Variants in FNIP2 observed in about 807,000 individuals in gnomAD.
FNIP2 encodes folliculin-interacting protein 2.
A neutral mutation model predicts 108.7 loss-of-function variants in FNIP2; 32 were observed. The ratio of observed to expected loss-of-function variants is 0.29; its 90% confidence interval spans 0.22 to 0.40. The LOEUF (loss-of-function observed/expected upper bound fraction) is 0.40, where lower values mean the gene tolerates loss of function less well. Ranked by LOEUF, FNIP2 falls within the 10% of genes least tolerant of loss-of-function variation. FNIP2 has a pLI of 1.00. For synonymous variants in FNIP2, 480 were observed against 496.7 expected (o/e 0.97, Z 0.45); for missense variants, 1,202 against 1,381.6 (o/e 0.87, Z 2.06).
chr4:158,842,980 T>C (rs1779209248), intron 7 of FNIP2, among the ~76,000 whole-genome samples: 1 of 152,224 alleles, frequency 6.6e-6, no homozygotes, highest in South Asian at 2.1e-4. Flanking sequence ...ATTACAGCTA[T>C]ACTCATTTAC....
chr4:158,852,657 A>C (rs1779766201), intron 8 of FNIP2, among the ~76,000 whole-genome samples: 1 of 152,218 alleles, frequency 6.6e-6, no homozygotes, highest in Admixed American at 6.5e-5. Context: ...GATATGGGCA[A>C]TAAAATGTGG....
At chr4:158,816,889 A>T (rs1170419947) in intron 1 of FNIP2, among the ~76,000 whole-genome samples, 2 of 152,022 alleles carry the variant, frequency 1.3e-5, no homozygotes, top group Non-Finnish European at 2.9e-5. Flanking sequence ...TTTTAAGTAC[A>T]AGTAGTTTCT....
chr4:158,856,846 A>G (rs964839435), intron 8 of FNIP2, among the ~76,000 whole-genome samples: 4 of 152,324 alleles, frequency 2.6e-5, no homozygotes, highest in South Asian at 4.1e-4. Flanking sequence ...ACACACTTAA[A>G]TTTTTGAAAA....
intron 1 of FNIP2, among the ~76,000 whole-genome samples, chr4:158,783,615 T>G (rs528648735): frequency 6.6e-6 from 1 of 152,320 alleles, no homozygotes; most frequent in East Asian, 1.9e-4. Context: ...CTTTTTTTCT[T>G]TTTTGCTTGG....
Position 158,825,928 on chromosome 4 carries a change from G to A in FNIP2, c.120G>A (p.Ser40=), listed in dbSNP as rs890499630. The change falls in exon 2 of 17, where the codon TCG becomes TCA. Residue 40 remains serine (S), a synonymous_variant. Transcript: ENST00000264433. Reference sequence around the variant, plus strand: ...TTTTAATCCACAGTTGGTCATGTTCGGAGTTTGACCTGAATGAGATTCGCC... The same window carrying A: ...TTTTAATCCACAGTTGGTCATGTTCAGAGTTTGACCTGAATGAGATTCGCC... ...KEGPAFSWSC[S]EFDLNEIRLI... is the part of the protein sequence containing the mutation. 11 of 1,606,816 alleles carry A rather than the reference G, an allele frequency of 6.8e-6. No homozygotes were observed. In the South Asian group the frequency reaches 7.7e-5, roughly 11 times the overall value.
chr4:158,776,623 CAA>C (rs1452378824), intron 1 of FNIP2, among the ~76,000 whole-genome samples: 1 of 152,186 alleles, frequency 6.6e-6, no homozygotes, highest in African/African-American at 2.4e-5. Flanking sequence ...TTCAATGCCA[CAA>C]AGTCTTTTAA....
intron 1 of FNIP2, among the ~76,000 whole-genome samples, chr4:158,811,632 A>C (rs1777279084): frequency 6.6e-6 from 1 of 151,942 alleles, no homozygotes; most frequent in African/African-American, 2.4e-5. Context: ...GAATTCCTAG[A>C]GGTAGAGCTT....
At chr4:158,824,454 A>C (rs2126557585) in intron 1 of FNIP2, among the ~76,000 whole-genome samples, 1 of 151,650 alleles carries the variant, frequency 6.6e-6, no homozygotes, top group South Asian at 2.1e-4. Flanking sequence ...GCCCCCTTTC[A>C]CCTCGGGCAC....
At chr4:158,860,213 G>A (rs1327709933) in intron 10 of FNIP2, among the ~76,000 whole-genome samples, 2 of 152,064 alleles carry the variant, frequency 1.3e-5, no homozygotes, top group African/African-American at 4.8e-5. Flanking sequence ...TGCTGAGTTG[G>A]GATTGTTGCA....
At chr4:158,815,435 T>G (rs1162954090) in intron 1 of FNIP2, among the ~76,000 whole-genome samples, 1 of 148,778 alleles carries the variant, frequency 6.7e-6, no homozygotes, top group Non-Finnish European at 1.5e-5. Context: ...CAGGCTGGAA[T>G]GCAGTGGCGC....
intron 1 of FNIP2, among the ~76,000 whole-genome samples, chr4:158,776,712 T>C (rs909627710): frequency 6.6e-6 from 1 of 152,230 alleles, no homozygotes; most frequent in Non-Finnish European, 1.5e-5. Flanking sequence ...TGAGAGTTCG[T>C]CTAAATCCTA....
chr4:158,835,224 T>A, intron 6 of FNIP2, 181 bp from the exon 7 acceptor site: 1 of 336,078 alleles, frequency 3.0e-6, no homozygotes, highest in Admixed American at 4.3e-5. Flanking sequence ...TACTTGGTTC[T>A]CTTTTCTTCT....
At chr4:158,876,214 A>T (rs956867507) in intron 14 of FNIP2, among the ~76,000 whole-genome samples, 1 of 152,124 alleles carries the variant, frequency 6.6e-6, no homozygotes, top group Non-Finnish European at 1.5e-5. Context: ...GTTCCTTTTG[A>T]TCTTCCCAAA....
chr4:158,778,244 A>T (rs949184235), intron 1 of FNIP2, among the ~76,000 whole-genome samples: 1 of 152,182 alleles, frequency 6.6e-6, no homozygotes, highest in African/African-American at 2.4e-5. Context: ...AGCCAAGCAC[A>T]CTACAATAGT....
At chr4:158,804,324 T>C (rs1776863685) in intron 1 of FNIP2, among the ~76,000 whole-genome samples, 1 of 152,090 alleles carries the variant, frequency 6.6e-6, no homozygotes, top group South Asian at 2.1e-4. Flanking sequence ...GGATAAAACC[T>C]GCATGAGGTA....
intron 3 of FNIP2, among the ~76,000 whole-genome samples, chr4:158,830,513 C>T (rs998287220): frequency 3.5e-4 from 53 of 152,140 alleles, no homozygotes; most frequent in African/African-American, 1.1e-3. Flanking sequence ...CCACCCGCCT[C>T]GGCCTCCCAA....
chr4:158,806,341 A>T, intron 1 of FNIP2: 1 of 1,289,342 alleles, frequency 7.8e-7, no homozygotes, highest in Non-Finnish European at 1.0e-6. Context: ...TGCTGGGAGG[A>T]TTTACAGGGC....
chr4:158,890,922 T>A lies in FNIP2; in HGVS notation c.2950-524T>A, dbSNP rs186577001. Among the ~76,000 whole-genome samples the A allele has an allele frequency of 4.5e-4, 69 of 152,234 alleles. No homozygotes were observed. The Middle Eastern group carries it at 0.014, about 30-fold the overall frequency. ...CATAGCTTGGGCCATACAAACACAC[T>A]GTGATAGAGGAAGGATGGACCCGAT... On this transcript the variant is annotated intron_variant, in intron 14 of 16. Coordinates refer to ENST00000264433, the MANE Select transcript of FNIP2 (RefSeq NM_020840.3).
At chr4:158,823,807 CT>C (rs1683742262) in intron 1 of FNIP2, among the ~76,000 whole-genome samples, 1 of 152,180 alleles carries the variant, frequency 6.6e-6, no homozygotes, top group Admixed American at 6.5e-5. Context: ...AGTTTTGGGG[CT>C]GGCTCACACA....
Sources: gnomAD v4.1 joint callset for allele counts (sites outside exome capture counted in the v4.1 genomes callset) on GRCh38, gnomAD v4.1.1 for gene constraint, MANE v1.5 for transcripts, NCBI Gene and HGNC (gene_info 2026-07-23, HGNC 2026-07-21) for gene names.